The following GOLGA1 variants were observed in gnomAD, a reference collection of about 807,000 sequenced individuals.
GOLGA1 encodes golgin subfamily A member 1.
Under a neutral mutation model 119.7 loss-of-function variants are expected in GOLGA1, and 63 were observed. That is an observed-to-expected ratio of 0.53 (90% CI 0.43 to 0.65). The LOEUF is 0.65. Among genes scored for constraint, GOLGA1 ranks in the 30% least tolerant of loss-of-function variants. The pLI, the probability that GOLGA1 is intolerant of heterozygous loss-of-function variation, is 0.00. For missense variants in GOLGA1, 798 were observed against 912.8 expected, an observed-to-expected ratio of 0.87 and a Z score of 1.62; for synonymous variants, 318 against 333.4, an observed-to-expected ratio of 0.95 and a Z score of 0.50.
At chr9:124,907,352 G>C (rs897057499) in intron 12 of GOLGA1, among the ~76,000 whole-genome samples, 1 of 152,196 alleles carries the variant, frequency 6.6e-6, no homozygotes, top group Admixed American at 6.5e-5. Flanking sequence ...GTGAATTAGA[G>C]ATTTATTATG....
Position 124,881,792 on chromosome 9 carries a change from C to T in GOLGA1, c.2128G>A (p.Glu710Lys), listed in dbSNP as rs752151566. The change falls in exon 21 of 23, where the codon GAA (glutamate) becomes AAA (lysine). Residue 710 changes from glutamate (E) to lysine (K), a missense_variant. Glu to Lys is a moderately conservative substitution (Grantham distance 56). Coordinates refer to ENST00000373555, the MANE Select transcript of GOLGA1 (RefSeq NM_002077.4). This position sits in a 1 kb window ranked among gnomAD's most constrained non-coding sequence, Gnocchi z 4.9. ...CCTCAAAAGCCCTTTACCTCGGATT[C>T]GCGACAAGACATGAATTTTAAAACC... is the stretch of plus-strand genomic sequence containing the variant. ...HVVLKFMSCR[E>K]SEAFHLIKAV... The T allele has an allele frequency of 6.2e-6, 10 of 1,608,370 alleles. No homozygotes were observed. Among genetic ancestry groups the T allele is most frequent in the East Asian group, 4.5e-5 (2 of 44,800 alleles).
chr9:124,891,681 G>C (rs182255790), intron 15 of GOLGA1, among the ~76,000 whole-genome samples: 4 of 145,556 alleles, frequency 2.7e-5, no homozygotes, highest in African/African-American at 1.1e-4. Context: ...CTTCTCTCTT[G>C]TTTCCCAGGC....
chr9:124,924,616 A>G (rs867544039), intron 7 of GOLGA1, among the ~76,000 whole-genome samples: 14 of 136,040 alleles, frequency 1.0e-4, no homozygotes, highest in Non-Finnish European at 1.4e-4. Context: ...CAGCCTGGGC[A>G]TCGTGGTGAG....
intron 20 of GOLGA1, 62 bp from the exon 21 acceptor site, chr9:124,882,016 C>T (rs750487000): frequency 1.2e-5 from 15 of 1,258,484 alleles, no homozygotes; most frequent in African/African-American, 7.5e-5. Context: ...AAAAATCACA[C>T]GGGAGGTTCA....
At chr9:124,911,012 T>C (rs1830328374) in intron 11 of GOLGA1, among the ~76,000 whole-genome samples, 1 of 152,214 alleles carries the variant, frequency 6.6e-6, no homozygotes, top group African/African-American at 2.4e-5. Context: ...AATGCAAGCA[T>C]GGACATTCTG....
intron 20 of GOLGA1, among the ~76,000 whole-genome samples, chr9:124,882,176 T>C (rs1201606261): frequency 2.0e-5 from 3 of 152,182 alleles, no homozygotes; most frequent in Admixed American, 1.3e-4. Context: ...CCCTGGGGCC[T>C]GAAGCTGCTC....
intron 10 of GOLGA1, among the ~76,000 whole-genome samples, chr9:124,913,514 G>A (rs187585952): frequency 1.3e-5 from 2 of 152,266 alleles, no homozygotes; most frequent in Admixed American, 6.5e-5. Flanking sequence ...TAACTTGGCC[G>A]ATCTCTCCTC....
Position 124,879,361 on chromosome 9 carries a change from A to G in GOLGA1, c.*1169T>C, listed in dbSNP as rs1829519055. The G allele has an allele frequency of 6.6e-6, 1 of 152,160 alleles. No individual in the cohort carries two copies. Among genetic ancestry groups the G allele is most frequent in the Non-Finnish European group, 1.5e-5 (1 of 68,034 alleles). 9.4% of individuals were successfully genotyped at this position (152,160 alleles called of 1,614,324 possible). Reference sequence around the variant, plus strand: ...AAACAAGTTTTTGTTGGTTACTACCAGAGTCATGTGCATGCTACAAGTGCT... The same window carrying G: ...AAACAAGTTTTTGTTGGTTACTACCGGAGTCATGTGCATGCTACAAGTGCT... On this transcript the variant is annotated 3_prime_UTR_variant, in exon 23 of 23. Coordinates refer to ENST00000373555, the MANE Select transcript of GOLGA1 (RefSeq NM_002077.4).
Position 124,921,745 on chromosome 9 carries a change from A to G in GOLGA1, c.709T>C (p.Tyr237His), listed in dbSNP as rs1426454352. 3.1e-6 allele frequency: 5 copies of G among 1,613,724 alleles called. No homozygotes were observed. Among genetic ancestry groups the G allele is most frequent in the East Asian group, 2.2e-5 (1 of 44,902 alleles). Residue 237 changes from tyrosine (Y) to histidine (H), a missense_variant, in exon 9 of 23, where the codon TAC (tyrosine) becomes CAC (histidine). Coordinates refer to ENST00000373555, the MANE Select transcript of GOLGA1 (RefSeq NM_002077.4). ...AACCTCTGCTCTTCCAGCGTTGAGT[A>G]GTGTCTCTGCAATTCTTCTAGCTTC... is the stretch of plus-strand genomic sequence containing the variant. ...SQKLEELQRH[Y>H]STLEEQRDHV... is the part of the protein sequence containing the mutation.
chr9:124,911,753 G>A (rs896424290), intron 11 of GOLGA1, 148 bp downstream of exon 11: 2 of 646,236 alleles, frequency 3.1e-6, no homozygotes, highest in Admixed American at 5.1e-5. Flanking sequence ...TCTTTCTGAT[G>A]TAAGCAGGAC....
chr9:124,920,688 C>A (rs186389717), intron 10 of GOLGA1, among the ~76,000 whole-genome samples: 103 of 152,076 alleles, frequency 6.8e-4, no homozygotes, highest in African/African-American at 2.3e-3. Context: ...GTAATCTCAG[C>A]ACTTTGGGAG....
At chr9:124,923,836 T>C (rs1830617980) in intron 7 of GOLGA1, among the ~76,000 whole-genome samples, 1 of 152,054 alleles carries the variant, frequency 6.6e-6, no homozygotes, top group South Asian at 2.1e-4. Context: ...GATATATATT[T>C]TATGTGTCTA....
At chr9:124,904,910 C>T (rs535724109) in intron 12 of GOLGA1, among the ~76,000 whole-genome samples, 16 of 147,516 alleles carry the variant, frequency 1.1e-4, no homozygotes, top group African/African-American at 2.8e-4. Context: ...CACCACTGGA[C>T]GCCAACCCAG....
At chr9:124,887,868 C>T (rs183338471) in intron 19 of GOLGA1, among the ~76,000 whole-genome samples, 1 of 152,308 alleles carries the variant, frequency 6.6e-6, no homozygotes, top group Non-Finnish European at 1.5e-5. Context: ...ATAACCCCCT[C>T]CTCCCACCCA....
At chr9:124,903,985 C>T (rs1830164771) in intron 12 of GOLGA1, among the ~76,000 whole-genome samples, 1 of 151,712 alleles carries the variant, frequency 6.6e-6, no homozygotes, top group Non-Finnish European at 1.5e-5. Flanking sequence ...ATTGCTTGAA[C>T]CTAGGAAGCG....
intron 5 of GOLGA1, 118 bp downstream of exon 5, chr9:124,929,098 A>G: frequency 1.5e-6 from 1 of 687,484 alleles, no homozygotes; most frequent in Non-Finnish European, 2.6e-6. Flanking sequence ...TAAGAAGTAC[A>G]CTACTTATAA....
In GOLGA1 at chr9:124,888,713, T is replaced by C. The variant is rs1161704582; in HGVS notation, c.1762-317A>G. ...CTTTATTTATTTATCTATTTATTTA[T>C]TTATTGAGACGGAGTCTTGCTCTGT... On this transcript the variant is annotated intron_variant, in intron 18 of 22. Transcript: ENST00000373555. This position sits in a 1 kb window ranked among gnomAD's most constrained non-coding sequence, Gnocchi z 4.4. 6.6e-6 allele frequency among the ~76,000 whole-genome samples: 1 copy of C among 152,148 alleles called. No individual in the cohort carries two copies. The highest frequency in any genetic ancestry group is 1.5e-5 in the Non-Finnish European group (1 of 68,024).
At chr9:124,901,671 G>A (rs1287503408) in intron 12 of GOLGA1, among the ~76,000 whole-genome samples, 3 of 152,180 alleles carry the variant, frequency 2.0e-5, no homozygotes, top group Non-Finnish European at 2.9e-5. Context: ...TGCTGACCTC[G>A]TGATCCGCCC....
In GOLGA1 at chr9:124,898,639, T is replaced by C. The variant is rs1360373860; in HGVS notation, c.1317A>G (p.Gln439=). ...TAAGGGCTGCATTTTCTTGCTCCAG[T>C]TGTCTCTGCCAATTCAGAAGAACAC... ...DQTTAEQGMR[Q]LEQENAALKE... The change falls in exon 15 of 23, where the codon CAA becomes CAG. Residue 439 remains glutamine, a synonymous_variant. Coordinates refer to ENST00000373555, the MANE Select transcript of GOLGA1 (RefSeq NM_002077.4). 4 of 1,597,422 alleles carry C rather than the reference T, an allele frequency of 2.5e-6. No individual in the cohort carries two copies. The highest frequency in any genetic ancestry group is 3.4e-6 in the Non-Finnish European group (4 of 1,165,288).
Sources: allele counts gnomAD v4.1 joint callset (sites outside exome capture counted in the v4.1 genomes callset), GRCh38; gene constraint gnomAD v4.1.1; non-coding constraint Gnocchi (gnomAD v3.1); transcripts MANE v1.5; gene names NCBI Gene and HGNC (gene_info 2026-07-23, HGNC 2026-07-21).